The following GLT1D1 variants were observed in gnomAD, a reference collection of about 807,000 sequenced individuals.
The protein encoded by GLT1D1 is glycosyltransferase 1 domain containing 1.
GLT1D1 carries 21 observed loss-of-function variants against 28.7 expected under a neutral mutation model. The ratio of observed to expected loss-of-function variants is 0.73; its 90% CI spans 0.52 to 1.05. The LOEUF is 1.05. GLT1D1 is among the 50% of genes least tolerant of loss of function. The pLI is 0.00. For missense variants in GLT1D1, 343 were observed against 330.6 expected, an observed-to-expected ratio of 1.04 and a Z score of -0.29; for synonymous variants, 147 against 124.8, an observed-to-expected ratio of 1.18 and a Z score of -1.19.
At chr12:128,894,691 GA>G (rs959654473) in intron 3 of GLT1D1, among the ~76,000 whole-genome samples, 3 of 149,848 alleles carry the variant, frequency 2.0e-5, no homozygotes, top group Non-Finnish European at 3.0e-5. Context: ...TAAAAATACA[GA>G]AAAAAAAATT....
chr12:128,915,102 G>A (rs979734023), intron 4 of GLT1D1, 113 bp downstream of exon 6: 2 of 797,552 alleles, frequency 2.5e-6, no homozygotes, highest in Non-Finnish European at 4.0e-6. Flanking sequence ...AGAGAACAAG[G>A]TTCATTTCCC....
chr12:128,959,273 C>T (rs187724054), intron 7 of GLT1D1, among the ~76,000 whole-genome samples: 1 of 151,346 alleles, frequency 6.6e-6, no homozygotes, highest in Non-Finnish European at 1.5e-5. Context: ...TTAAGATTTC[C>T]TACAGCAGAT....
chr12:128,930,254 T>C (rs1365315133), intron 4 of GLT1D1: 1 of 152,244 alleles, frequency 6.6e-6, no homozygotes, highest in African/African-American at 2.4e-5. Context: ...GAAAAACTTC[T>C]AGTTTGATGC....
intron 4 of GLT1D1, among the ~76,000 whole-genome samples, chr12:128,900,448 G>A (rs574555442): frequency 2.6e-5 from 4 of 152,162 alleles, no homozygotes; most frequent in African/African-American, 4.8e-5. Flanking sequence ...CCGAAAGCTC[G>A]GGATGCTAGA....
intron 2 of GLT1D1, among the ~76,000 whole-genome samples, chr12:128,878,639 ACT>A (rs1161849007): frequency 1.3e-5 from 2 of 151,374 alleles, no homozygotes; most frequent in South Asian, 4.2e-4. Flanking sequence ...ACAGGGTCTC[ACT>A]CTGTTACCCA....
intron 2 of GLT1D1, among the ~76,000 whole-genome samples, chr12:128,882,610 C>T (rs1339158534): frequency 2.6e-5 from 4 of 152,152 alleles, no homozygotes; most frequent in Non-Finnish European, 5.9e-5. Context: ...TATCAACTTT[C>T]ATTCCTTAAG....
chr12:128,942,735 G>GGTTTTTTTTTTTTTT (rs1875439512), intron 4 of GLT1D1, among the ~76,000 whole-genome samples: 1 of 89,518 alleles, frequency 1.1e-5, no homozygotes, highest in African/African-American at 4.3e-5. Context: ...AATTTTCTTT[G>GGTTTTTTTTTTTTTT]TTTGTTTGTT....
chr12:128,854,288 C>T (rs951116417), intron 1 of GLT1D1, among the ~76,000 whole-genome samples: 3 of 152,234 alleles, frequency 2.0e-5, no homozygotes, highest in Non-Finnish European at 4.4e-5. Context: ...ATCCCGCCGC[C>T]TCCCACCCGC....
chr12:128,919,674 C>T (rs905738132), intron 4 of GLT1D1, among the ~76,000 whole-genome samples: 1 of 152,202 alleles, frequency 6.6e-6, no homozygotes, highest in African/African-American at 2.4e-5. Context: ...ACGATATTGA[C>T]AATAGCTATT....
At chr12:128,957,042 C>G (rs866667113) in intron 6 of GLT1D1, among the ~76,000 whole-genome samples, 12 of 152,342 alleles carry the variant, frequency 7.9e-5, no homozygotes, top group African/African-American at 2.9e-4. Flanking sequence ...GCACATATCT[C>G]CAGACCTTCG....
chr12:128,933,431 T>C (rs940334668), intron 4 of GLT1D1, among the ~76,000 whole-genome samples: 10 of 152,290 alleles, frequency 6.6e-5, no homozygotes, highest in African/African-American at 2.4e-4. Flanking sequence ...TTTTAAAAAC[T>C]GTCCCGGGCT....
chr12:128,906,398 G>A (rs948350465), intron 4 of GLT1D1, among the ~76,000 whole-genome samples: 2 of 151,974 alleles, frequency 1.3e-5, no homozygotes, highest in East Asian at 1.9e-4. Context: ...AAACACCCAC[G>A]AACAAATTAA....
intron 4 of GLT1D1, among the ~76,000 whole-genome samples, chr12:128,908,412 CTTTCTTT>C (rs1217195834): frequency 2.1e-5 from 3 of 143,320 alleles, no homozygotes; most frequent in African/African-American, 7.7e-5. Context: ...CTCTTTCTTT[CTTTCTTT>C]TTCTTTCCTT....
At chr12:128,884,089 A>T (rs1335286269) in intron 2 of GLT1D1, among the ~76,000 whole-genome samples, 2 of 152,206 alleles carry the variant, frequency 1.3e-5, no homozygotes, top group Non-Finnish European at 2.9e-5. Flanking sequence ...AAATGAAATC[A>T]GTGTGTGGAA....
intron 2 of GLT1D1, among the ~76,000 whole-genome samples, chr12:128,886,828 A>G (rs1474927941): frequency 6.6e-6 from 1 of 152,106 alleles, no homozygotes; most frequent in Admixed American, 6.5e-5. Flanking sequence ...TGTCCTTACC[A>G]TATGAGAAAA....
intron 6 of GLT1D1, among the ~76,000 whole-genome samples, chr12:128,948,392 C>T (rs563355136): frequency 3.3e-4 from 50 of 152,296 alleles, no homozygotes; most frequent in South Asian, 1.5e-3. Context: ...CTCACACCAA[C>T]GCCAGCCTTT....
At chr12:128,969,099 G>C (rs996470729) in intron 7 of GLT1D1, among the ~76,000 whole-genome samples, 13 of 151,180 alleles carry the variant, frequency 8.6e-5, no homozygotes, top group African/African-American at 2.9e-4. Context: ...CCTCCTCTCT[G>C]TCTGTGTCTC....
intron 2 of GLT1D1, among the ~76,000 whole-genome samples, chr12:128,881,903 G>A (rs896702866): frequency 6.6e-5 from 10 of 151,800 alleles, no homozygotes; most frequent in South Asian, 2.1e-4. Flanking sequence ...GAATGGTCCC[G>A]TCCTATTTCC....
At chr12:128,920,548 T>A (rs112924005) in intron 4 of GLT1D1, among the ~76,000 whole-genome samples, 11 of 152,072 alleles carry the variant, frequency 7.2e-5, no homozygotes, top group African/African-American at 2.7e-4. Flanking sequence ...GAGTGAAACT[T>A]TGTCTCAAAA....
Sources: gnomAD v4.1 joint callset for allele counts (sites outside exome capture counted in the v4.1 genomes callset) on GRCh38, gnomAD v4.1.1 for gene constraint, MANE v1.5 for transcripts, NCBI Gene and HGNC (gene_info 2026-07-23, HGNC 2026-07-21) for gene names.